SCML4: variants seen among roughly 807,000 people sequenced by gnomAD.
The protein encoded by SCML4 is Scm polycomb group protein like 4.
In SCML4, 34 loss-of-function variants were observed where a neutral mutation model predicts 41.1. That is an observed-to-expected ratio of 0.83 (90% CI 0.63 to 1.10). The LOEUF is 1.10. Among genes scored for constraint, SCML4 ranks in the 50% least tolerant of loss-of-function variants. The probability of loss-of-function intolerance (pLI) is 0.00; values close to 1 mark genes in which losing one functional copy is unlikely to be tolerated. For synonymous variants in SCML4, 214 were observed against 220.9 expected (o/e 0.97, Z 0.28); for missense variants, 522 against 534.1 (o/e 0.98, Z 0.22).
chr6:107,818,191 T>C (rs1349544534), intron 1 of SCML4, among the ~76,000 whole-genome samples: 1 of 152,174 alleles, frequency 6.6e-6, no homozygotes, highest in Non-Finnish European at 1.5e-5. Flanking sequence ...TATAGTCGAA[T>C]ATGCTCGGGC....
rs140385558 is a variant in SCML4, at chr6:107,794,388, C to T, written c.-59-22002G>A. On this transcript the variant is annotated intron_variant, in intron 1 of 7. Coordinates refer to ENST00000369020, the MANE Select transcript of SCML4 (RefSeq NM_198081.5). ...AATCATTCCCTGGTCCCAAAGCAGCCTGGAGGGGCACATTCGGGCTTCTCT... is the reference window on the plus strand; with the variant it reads ...AATCATTCCCTGGTCCCAAAGCAGCTTGGAGGGGCACATTCGGGCTTCTCT... 8.9e-4 allele frequency among the ~76,000 whole-genome samples: 135 copies of T among 152,256 alleles called. 2 individuals carry two copies. In the East Asian group the frequency reaches 0.021, roughly 23 times the overall value.
At chr6:107,756,387 A>G (rs1779114599) in intron 2 of SCML4, among the ~76,000 whole-genome samples, 1 of 152,220 alleles carries the variant, frequency 6.6e-6, no homozygotes, top group Non-Finnish European at 1.5e-5. Context: ...TCTAATCATG[A>G]GAAAAACATT....
chr6:107,776,687 G>A (rs114866876), intron 1 of SCML4, among the ~76,000 whole-genome samples: 19 of 152,066 alleles, frequency 1.2e-4, no homozygotes, highest in Non-Finnish European at 2.4e-4. Context: ...AATTTACACA[G>A]CCACACCTCC....
At chr6:107,828,227 C>T (rs550963416), upstream of SCML4, among the ~76,000 whole-genome samples, 2 of 152,332 alleles carry the variant, frequency 1.3e-5, no homozygotes, top group South Asian at 2.1e-4. Context: ...ATCATTCCAC[C>T]TCATGGATCC....
intron 5 of SCML4, among the ~76,000 whole-genome samples, chr6:107,740,976 G>T (rs1212369760): frequency 6.6e-6 from 1 of 152,170 alleles, no homozygotes; most frequent in African/African-American, 2.4e-5. Context: ...AAGGGGGAAG[G>T]TTGGGGGAGA....
the SCML4 span, among the ~76,000 whole-genome samples, chr6:107,837,834 G>A: frequency 6.6e-6 from 1 of 151,612 alleles, no homozygotes; most frequent in African/African-American, 2.4e-5. Flanking sequence ...AAGCTATTTG[G>A]CTTACATTGT....
At chr6:107,751,950 T>C (rs949545637) in intron 2 of SCML4, among the ~76,000 whole-genome samples, 1 of 152,064 alleles carries the variant, frequency 6.6e-6, no homozygotes, top group Non-Finnish European at 1.5e-5. Flanking sequence ...TTTCTGACTA[T>C]GGTATTGAGA....
intron 4 of SCML4, chr6:107,746,381 G>T (rs1231326377): frequency 3.0e-6 from 1 of 332,952 alleles, no homozygotes; most frequent in Non-Finnish European, 5.4e-6. Context: ...GAAGTGGAGC[G>T]AAAGGATTCT....
chr6:107,834,998 A>T, the SCML4 span, among the ~76,000 whole-genome samples: 1 of 151,938 alleles, frequency 6.6e-6, no homozygotes, highest in South Asian at 2.1e-4. Context: ...TTATTTAATT[A>T]TTACTAATAT....
intron 1 of SCML4, among the ~76,000 whole-genome samples, chr6:107,809,377 A>C (rs905770926): frequency 6.6e-6 from 1 of 152,240 alleles, no homozygotes; most frequent in Non-Finnish European, 1.5e-5. Flanking sequence ...ATAAAGATAA[A>C]CTTGGTGCAA....
At chr6:107,770,070 CTG>C (rs1780395793) in intron 2 of SCML4, among the ~76,000 whole-genome samples, 1 of 151,974 alleles carries the variant, frequency 6.6e-6, no homozygotes, top group African/African-American at 2.4e-5. Context: ...TGGAGTGAAA[CTG>C]TACAATTTCT....
Position 107,707,860 on chromosome 6 carries a change from G to A in SCML4, c.1119+6C>T, listed in dbSNP as rs1475147782. ...CCCCCCAAGGTCAAACCCACCACTC[G>A]CATACGTGCTTTCTGAAGAGCTCCA... On this transcript the variant is annotated splice_donor_region_variant and intron_variant, in intron 7 of 7. Transcript: ENST00000369020. 1.5e-5 allele frequency: 24 copies of A among 1,551,612 alleles called. No homozygotes were observed. Among genetic ancestry groups the A allele is most frequent in the South Asian group, 1.5e-4 (13 of 84,056 alleles).
chr6:107,822,508 C>CTTTTTTTTTTTTTTTTTTTTTTTTTTTT (rs10677944), intron 1 of SCML4, among the ~76,000 whole-genome samples: 1 of 137,996 alleles, frequency 7.2e-6, no homozygotes, highest in African/African-American at 2.9e-5. Context: ...TTTTTCTTTT[C>CTTTTTTTTTTTTTTTTTTTTTTTTTTTT]TTTTTTTTTT....
At chr6:107,772,723 A>G (rs1780618602) in intron 1 of SCML4, among the ~76,000 whole-genome samples, 1 of 152,230 alleles carries the variant, frequency 6.6e-6, no homozygotes, top group African/African-American at 2.4e-5. Flanking sequence ...CAGTTTCCTC[A>G]GTTAGTTCAA....
At chr6:107,706,008 A>C (rs1480421597) in intron 7 of SCML4, among the ~76,000 whole-genome samples, 3 of 152,204 alleles carry the variant, frequency 2.0e-5, no homozygotes, top group Admixed American at 2.0e-4. Context: ...CTGGGCTTCC[A>C]TGGTCACCTT....
the SCML4 span, among the ~76,000 whole-genome samples, chr6:107,836,645 C>T: frequency 1.1e-4 from 16 of 152,192 alleles, no homozygotes; most frequent in African/African-American, 3.9e-4. Flanking sequence ...ATTTTCCAGG[C>T]AGCTGTGGTG....
intron 1 of SCML4, among the ~76,000 whole-genome samples, chr6:107,815,625 C>T (rs762357281): frequency 6.6e-6 from 1 of 152,228 alleles, no homozygotes; most frequent in African/African-American, 2.4e-5. Context: ...ACCTGAGCTT[C>T]TTGGGGCAGG....
At chr6:107,798,325 A>G (rs2114627742) in intron 1 of SCML4, among the ~76,000 whole-genome samples, 1 of 152,008 alleles carries the variant, frequency 6.6e-6, no homozygotes, top group South Asian at 2.1e-4. Flanking sequence ...CTGGTTTTCT[A>G]TTTCATCTTA....
chr6:107,769,332 C>A (rs62426338), intron 2 of SCML4, among the ~76,000 whole-genome samples: 1 of 152,190 alleles, frequency 6.6e-6, no homozygotes, highest in African/African-American at 2.4e-5. Flanking sequence ...GACACCTGAC[C>A]GCCAGTGTAA....
Sources: gnomAD v4.1 joint callset for allele counts (sites outside exome capture counted in the v4.1 genomes callset) on GRCh38, gnomAD v4.1.1 for gene constraint, MANE v1.5 for transcripts, NCBI Gene and HGNC (gene_info 2026-07-23, HGNC 2026-07-21) for gene names.